MAP10: variants seen among roughly 807,000 people sequenced by gnomAD.
The protein encoded by MAP10 is microtubule associated protein 10, also known as microtubule-associated protein 10.
In MAP10, 10 loss-of-function variants were observed where a neutral mutation model predicts 6.3. The observed-to-expected ratio is 1.58, with a 90% CI of 0.98 to 2.69. The LOEUF (loss-of-function observed/expected upper bound fraction) is 2.69, where lower values mean the gene tolerates loss of function less well. Ranked by LOEUF, MAP10 falls within the 30% of genes most tolerant of loss-of-function variation. MAP10 has a pLI of 0.00. For missense variants in MAP10, 1,189 were observed against 1,086.5 expected, an observed-to-expected ratio of 1.09 and a Z score of -1.33; for synonymous variants, 459 against 429.3, an observed-to-expected ratio of 1.07 and a Z score of -0.86.
At position 232,806,298 on chromosome 1, in the gene MAP10, C is replaced by T; in HGVS notation, c.849C>T (p.Ser283=). The T allele has an allele frequency of 6.2e-7, 1 of 1,613,962 alleles. No individual in the cohort carries two copies. The highest frequency in any genetic ancestry group is 8.5e-7 in the Non-Finnish European group (1 of 1,179,902). Residue 283 remains serine (S), a synonymous_variant, in exon 1 of 1, where the codon AGC becomes AGT. Transcript: ENST00000418460. ...CSGAGNGRNV[S]SLNEEVTELD... Reference sequence around the variant, plus strand: ...GTGCTGGCAATGGGAGAAATGTTAGCTCCCTAAATGAGGAAGTCACAGAAT... The same window carrying T: ...GTGCTGGCAATGGGAGAAATGTTAGTTCCCTAAATGAGGAAGTCACAGAAT...
chr1:232,805,952 T>G lies in MAP10; in HGVS notation c.503T>G (p.Val168Gly). ...GGACGTTTCCCCCTGCATAATCGAG[T>G]GGGCGAGCGGACTGGGGACATTGCA... ...HRGRFPLHNR[V>G]GERTGDIALA... is the part of the protein sequence containing the mutation. The change falls in exon 1 of 1, where the codon GTG becomes GGG. Residue 168 changes from valine to glycine, a missense_variant. Physicochemically the swap from Val to Gly is moderately radical, Grantham distance 109. Transcript: ENST00000418460. 1 of 1,612,720 alleles carries G rather than the reference T, an allele frequency of 6.2e-7. No homozygotes were observed. The highest frequency in any genetic ancestry group is 8.5e-7 in the Non-Finnish European group (1 of 1,179,694).
Position 232,806,853 on chromosome 1 carries a change from C to T in MAP10, c.1404C>T (p.Asn468=), listed in dbSNP as rs574040642. The change falls in exon 1 of 1, where the codon AAC becomes AAT. Residue 468 remains asparagine (N), a synonymous_variant. Transcript: ENST00000418460. ...CAGTGAGTCTTCAGTATAAAAAGAA[C>T]CAAATTGAAAACTATAAGGAAGATA... The part of the protein sequence containing the change: ...EKSVSLQYKK[N]QIENYKEDKY... 8 of 1,612,548 alleles carry T rather than the reference C, an allele frequency of 5.0e-6. No individual in the cohort carries two copies. In the East Asian group the frequency reaches 1.1e-4, roughly 22 times the overall value.
chr1:232,807,471 T>A lies in MAP10; in HGVS notation c.2022T>A (p.Asn674Lys). 6.2e-7 allele frequency: 1 copy of A among 1,613,778 alleles called. No homozygotes were observed. The change falls in exon 1 of 1, where the codon AAT becomes AAA. Residue 674 changes from asparagine (N) to lysine (K), a missense_variant. Asn to Lys is a moderately conservative substitution (Grantham distance 94). Transcript: ENST00000418460. ...IDIRQVKTTD[N>K]DILMADISDK... ...TTAGACAGGTCAAAACCACAGATAA[T>A]GACATTCTTATGGCTGATATAAGTG...
In MAP10 at chr1:232,806,102, T is replaced by G. The variant is rs779986316; in HGVS notation, c.653T>G (p.Leu218Arg). 2.5e-6 allele frequency: 4 copies of G among 1,613,786 alleles called. No homozygotes were observed. The highest frequency in any genetic ancestry group is 3.4e-6 in the Non-Finnish European group (4 of 1,179,888). The change falls in exon 1 of 1, where the codon CTG becomes CGG. Residue 218 changes from leucine (L) to arginine (R), a missense_variant. Physicochemically the swap from Leu to Arg is moderately radical, Grantham distance 102 (BLOSUM62 -2). Transcript: ENST00000418460. Reference sequence around the variant, plus strand: ...CAAACCCAGCAGGAAAGACAGCAGCTGCAGCAGCCAGCCTCACAGCCAAGC... The same window carrying G: ...CAAACCCAGCAGGAAAGACAGCAGCGGCAGCAGCCAGCCTCACAGCCAAGC... ...SPQTQQERQQ[L>R]QQPASQPSPK...
Position 232,807,699 on chromosome 1 carries a change from C to G in MAP10, c.2250C>G (p.Ser750=), listed in dbSNP as rs1342745577. The G allele has an allele frequency of 5.6e-6, 9 of 1,613,222 alleles. No individual in the cohort carries two copies. The highest frequency in any genetic ancestry group is 2.7e-5 in the African/African-American group (2 of 74,832). Residue 750 remains serine, a synonymous_variant, in exon 1 of 1, where the codon TCC becomes TCG. Transcript: ENST00000418460. ...YTSKSSDTGV[S]KKKNSSDRSS... ...GCAAGTCTAGTGACACAGGAGTGTC[C>G]AAAAAGAAAAATAGTAGTGACAGGA...
At position 232,805,759 on chromosome 1, in the gene MAP10, C is replaced by G. The variant is rs755052589; in HGVS notation, c.310C>G (p.Leu104Val). Residue 104 changes from leucine (L) to valine (V), a missense_variant, in exon 1 of 1, where the codon CTG becomes GTG. Leu to Val is a conservative substitution (Grantham distance 32, BLOSUM62 1). Transcript: ENST00000418460. ...CCTCTTCCGCCTGCAGCCTGCTACC[C>G]TGCACTGCCGGCTCCTGCGGACCCC... ...SCLFRLQPATLHCRLLRTPLA... is the reference protein window; with the variant it reads ...SCLFRLQPATVHCRLLRTPLA... The G allele has an allele frequency of 6.2e-7, 1 of 1,603,498 alleles. No homozygotes were observed. Among genetic ancestry groups the G allele is most frequent in the Non-Finnish European group, 8.5e-7 (1 of 1,177,148 alleles).
Position 232,806,861 on chromosome 1 carries a change from A to G in MAP10, c.1412A>G (p.Glu471Gly), listed in dbSNP as rs1666115167. ...CTTCAGTATAAAAAGAACCAAATTG[A>G]AAACTATAAGGAAGATAAATATTCT... is the stretch of plus-strand genomic sequence containing the variant. ...VSLQYKKNQIENYKEDKYSEK... is the reference protein window; with the variant it reads ...VSLQYKKNQIGNYKEDKYSEK... Residue 471 changes from glutamate (E) to glycine (G), a missense_variant, in exon 1 of 1, where the codon GAA (glutamate) becomes GGA (glycine). Physicochemically the swap from Glu to Gly is moderately conservative, Grantham distance 98. Transcript: ENST00000418460. 6.2e-7 allele frequency: 1 copy of G among 1,612,342 alleles called. No individual in the cohort carries two copies. The highest frequency in any genetic ancestry group is 1.1e-5 in the South Asian group (1 of 90,742).
Position 232,807,392 on chromosome 1 carries a change from G to C in MAP10, c.1943G>C (p.Cys648Ser). Reference protein sequence around the residue: ...GNVEMKIQSPCVFQQDAVVDR... With the variant: ...GNVEMKIQSPSVFQQDAVVDR... ...GTGGAAATGAAAATCCAAAGTCCAT[G>C]TGTTTTCCAACAGGATGCTGTTGTT... The change falls in exon 1 of 1, where the codon TGT becomes TCT. Residue 648 changes from cysteine (C) to serine (S), a missense_variant. By Grantham distance (112) the Cys-to-Ser change is moderately radical (BLOSUM62 -1). Transcript: ENST00000418460. 2 of 1,613,886 alleles carry C rather than the reference G, an allele frequency of 1.2e-6. No individual in the cohort carries two copies. The highest frequency in any genetic ancestry group is 1.7e-6 in the Non-Finnish European group (2 of 1,179,834).
Position 232,805,635 on chromosome 1 carries a change from G to A in MAP10, c.186G>A (p.Leu62=), listed in dbSNP as rs1196636715. The A allele has an allele frequency of 6.3e-7, 1 of 1,579,748 alleles. No individual in the cohort carries two copies. Among genetic ancestry groups the A allele is most frequent in the Non-Finnish European group, 8.6e-7 (1 of 1,166,094 alleles). Residue 62 remains leucine (L), a synonymous_variant, in exon 1 of 1, where the codon CTG becomes CTA. Coordinates refer to ENST00000418460, the MANE Select transcript of MAP10 (RefSeq NM_019090.3). Reference sequence around the variant, plus strand: ...GCCCCGCCGTGGCCTTCCGCCTGCTGGACTTCCCCACGCTGTTGGTTTACC... The same window carrying A: ...GCCCCGCCGTGGCCTTCCGCCTGCTAGACTTCCCCACGCTGTTGGTTTACC... ...GLCPAVAFRL[L]DFPTLLVYPP...
Position 232,805,612 on chromosome 1 carries a change from C to G in MAP10, c.163C>G (p.Pro55Ala), listed in dbSNP as rs753583622. ...GGCCTCGTCGCCGCGCGGTCTGTGC[C>G]CCGCCGTGGCCTTCCGCCTGCTGGA... ...GEASSPRGLCPAVAFRLLDFP... is the reference protein window; with the variant it reads ...GEASSPRGLCAAVAFRLLDFP... The change falls in exon 1 of 1, where the codon CCC becomes GCC. Residue 55 changes from proline (P) to alanine (A), a missense_variant. Pro to Ala is a conservative substitution (Grantham distance 27). Transcript: ENST00000418460. The G allele has an allele frequency of 8.3e-6, 13 of 1,564,066 alleles. No individual in the cohort carries two copies. In the East Asian group the frequency reaches 3.1e-4, roughly 37 times the overall value.
rs1208263157 is a variant in MAP10 at position 232,806,022 on chromosome 1, A to C, written c.573A>C (p.Gln191His). 1.9e-6 allele frequency: 3 copies of C among 1,613,894 alleles called. No homozygotes were observed. The highest frequency in any genetic ancestry group is 2.2e-5 in the East Asian group (1 of 44,864). The change falls in exon 1 of 1, where the codon CAA becomes CAC. Residue 191 changes from glutamine (Q) to histidine (H), a missense_variant. Transcript: ENST00000418460. ...ACCTGGGAAGCCGCCTGCTGAGCCA[A>C]CTTGAGCGGCCCCTCACCTTCACCC... ...LTDLGSRLLS[Q>H]LERPLTFTRT... is the part of the protein sequence containing the mutation.
chr1:232,807,628 G>A lies in MAP10; in HGVS notation c.2179G>A (p.Asp727Asn), dbSNP rs1482545182. 3.1e-6 allele frequency: 5 copies of A among 1,610,190 alleles called. No homozygotes were observed. Among genetic ancestry groups the A allele is most frequent in the Non-Finnish European group, 4.2e-6 (5 of 1,177,966 alleles). The change falls in exon 1 of 1, where the codon GAT (aspartate) becomes AAT (asparagine). Residue 727 changes from aspartate (D) to asparagine (N), a missense_variant. Physicochemically the swap from Asp to Asn is conservative, Grantham distance 23. Coordinates refer to ENST00000418460, the MANE Select transcript of MAP10 (RefSeq NM_019090.3). Reference sequence around the variant, plus strand: ...CACCAGCAGAAGTTTCAAAGCTCATGATAGCAGTTCAAGGACAGAAAATCC... The same window carrying A: ...CACCAGCAGAAGTTTCAAAGCTCATAATAGCAGTTCAAGGACAGAAAATCC... The part of the protein sequence containing the change: ...EDTSRSFKAH[D>N]SSSRTENPKH...
Position 232,809,284 on chromosome 1 carries a change from ATATC to A in MAP10, c.*1120_*1123del, listed in dbSNP as rs1311355999. ...TACTTTAATTTTTAGACTTTTTAAT[ATATC>A]TAACGTTTTTGAATGTATGAAGTGA... On this transcript the variant is annotated 3_prime_UTR_variant, in exon 1 of 1. Transcript: ENST00000418460. 2.0e-5 allele frequency among the ~76,000 whole-genome samples: 3 copies of A among 152,002 alleles called. No individual in the cohort carries two copies. The highest frequency in any genetic ancestry group is 4.4e-5 in the Non-Finnish European group (3 of 67,902).
Position 232,806,842 on chromosome 1 carries a change from T to A in MAP10, c.1393T>A (p.Tyr465Asn). The change falls in exon 1 of 1, where the codon TAT becomes AAT. Residue 465 changes from tyrosine (Y) to asparagine (N), a missense_variant. Physicochemically the swap from Tyr to Asn is moderately radical, Grantham distance 143. Coordinates refer to ENST00000418460, the MANE Select transcript of MAP10 (RefSeq NM_019090.3). ...ATGTGAAAAGTCAGTGAGTCTTCAGTATAAAAAGAACCAAATTGAAAACTA... is the reference window on the plus strand; with the variant it reads ...ATGTGAAAAGTCAGTGAGTCTTCAGAATAAAAAGAACCAAATTGAAAACTA... ...GGCEKSVSLQYKKNQIENYKE... is the reference protein window; with the variant it reads ...GGCEKSVSLQNKKNQIENYKE... The A allele has an allele frequency of 6.2e-7, 1 of 1,613,020 alleles. No homozygotes were observed. The highest frequency in any genetic ancestry group is 1.1e-5 in the South Asian group (1 of 90,878).
rs768882334 is a variant in MAP10, at chr1:232,805,460, C to G, written c.11C>G (p.Ser4Trp). ...CCTGGGGCAACAGCAATGGCGGCCT[C>G]GCTGTCCGAGCGGCTCTTCTCGCTG... is the stretch of plus-strand genomic sequence containing the variant. Reference protein sequence around the residue: MAASLSERLFSLEL... With the variant: MAAWLSERLFSLEL... The change falls in exon 1 of 1, where the codon TCG becomes TGG. Residue 4 changes from serine (S) to tryptophan (W), a missense_variant. By Grantham distance (177) the Ser-to-Trp change is radical (BLOSUM62 -3). Coordinates refer to ENST00000418460, the MANE Select transcript of MAP10 (RefSeq NM_019090.3). 1 of 1,605,290 alleles carries G rather than the reference C, an allele frequency of 6.2e-7. No homozygotes were observed. Among genetic ancestry groups the G allele is most frequent in the South Asian group, 1.1e-5 (1 of 89,936 alleles).
Position 232,807,734 on chromosome 1 carries a change from T to G in MAP10, c.2285T>G (p.Leu762Arg). 6.2e-7 allele frequency: 1 copy of G among 1,613,698 alleles called. No individual in the cohort carries two copies. Among genetic ancestry groups the G allele is most frequent in the Non-Finnish European group, 8.5e-7 (1 of 1,179,768 alleles). The change falls in exon 1 of 1, where the codon CTT becomes CGT. Residue 762 changes from leucine (L) to arginine (R), a missense_variant. Leu to Arg is a moderately radical substitution (Grantham distance 102). Transcript: ENST00000418460. ...AATAGTAGTGACAGGAGTTCTATCC[T>G]TAGCCCACCTTTTTCAGCCGGGTCA... ...KKNSSDRSSI[L>R]SPPFSAGSPV...
chr1:232,807,898 A>G lies in MAP10; in HGVS notation c.2449A>G (p.Met817Val). ...QKENQIDQNS[M>V]HNSEITKRAQ... The stretch of plus-strand genomic sequence containing the variant: ...AGAAAACCAGATAGATCAAAATAGT[A>G]TGCACAATTCTGAAATTACAAAGAG... Residue 817 changes from methionine (M) to valine (V), a missense_variant, in exon 1 of 1, where the codon ATG (methionine) becomes GTG (valine). By Grantham distance (21) the Met-to-Val change is conservative. Coordinates refer to ENST00000418460, the MANE Select transcript of MAP10 (RefSeq NM_019090.3). 6.2e-7 allele frequency: 1 copy of G among 1,613,690 alleles called. No homozygotes were observed. Among genetic ancestry groups the G allele is most frequent in the Non-Finnish European group, 8.5e-7 (1 of 1,179,724 alleles).
At chr1:232,807,439 ATAGATAT>A in the MAP10 span, 13 of 1,613,696 alleles carry the variant, frequency 8.1e-6, no homozygotes, top group African/African-American at 4.0e-5. Context: ...AGATAAGGAA[ATAGATAT>A]TAGACAGGTC....
Position 232,809,222 on chromosome 1 carries a change from T to G in MAP10, c.*1055T>G, listed in dbSNP as rs1666158887. Among the ~76,000 whole-genome samples, 1 of 152,122 alleles carries G rather than the reference T, an allele frequency of 6.6e-6. No homozygotes were observed. Reference sequence around the variant, plus strand: ...TTTTATATTTAGACTTTATTCTGTGTTCAAATATTTACATATATTTTCTTC... The same window carrying G: ...TTTTATATTTAGACTTTATTCTGTGGTCAAATATTTACATATATTTTCTTC... On this transcript the variant is annotated 3_prime_UTR_variant, in exon 1 of 1. Coordinates refer to ENST00000418460, the MANE Select transcript of MAP10 (RefSeq NM_019090.3).
Sources: allele counts gnomAD v4.1 joint callset (sites outside exome capture counted in the v4.1 genomes callset), GRCh38; gene constraint gnomAD v4.1.1; transcripts MANE v1.5; gene names NCBI Gene and HGNC (gene_info 2026-07-23, HGNC 2026-07-21).